Variants in DSCAM observed in about 807,000 individuals in gnomAD.
DSCAM encodes the protein cell adhesion molecule DSCAM.
Under a neutral mutation model 217.7 loss-of-function variants are expected in DSCAM, and 47 were observed. That is an observed-to-expected ratio of 0.22 (90% CI 0.17 to 0.28). DSCAM has a LOEUF of 0.28. DSCAM is among the 10% of genes least tolerant of loss of function. The pLI is 1.00. For missense variants in DSCAM, 2,080 were observed against 2,618.3 expected, an observed-to-expected ratio of 0.79 and a Z score of 4.49; for synonymous variants, 1,056 against 1,015.3, an observed-to-expected ratio of 1.04 and a Z score of -0.76.
intron 3 of DSCAM, among the ~76,000 whole-genome samples, chr21:40,650,272 C>T (rs2146358109): frequency 6.6e-6 from 1 of 152,316 alleles, no homozygotes; most frequent in South Asian, 2.1e-4. Flanking sequence ...GCAACATTTC[C>T]ACTTATCATT....
intron 11 of DSCAM, among the ~76,000 whole-genome samples, chr21:40,214,154 G>C (rs1409285014): frequency 6.6e-6 from 1 of 152,212 alleles, no homozygotes; most frequent in Admixed American, 6.5e-5. Flanking sequence ...CAGGTAGTTT[G>C]TTGCCCAGCC....
chr21:40,168,878 G>A (rs1357320069), intron 15 of DSCAM, among the ~76,000 whole-genome samples: 1 of 152,104 alleles, frequency 6.6e-6, no homozygotes, highest in African/African-American at 2.4e-5. Flanking sequence ...TTTTCTGCGG[G>A]TTACTTAGCT....
chr21:40,314,357 T>A (rs1660367988), intron 8 of DSCAM, among the ~76,000 whole-genome samples: 1 of 152,188 alleles, frequency 6.6e-6, no homozygotes, highest in South Asian at 2.1e-4. Flanking sequence ...GCATACTCAA[T>A]GTCAATCCTC....
At chr21:40,057,700 T>A (rs1328854120) in intron 28 of DSCAM, among the ~76,000 whole-genome samples, 1 of 152,058 alleles carries the variant, frequency 6.6e-6, no homozygotes, top group African/African-American at 2.4e-5. Flanking sequence ...AGAACTTGAT[T>A]CAACTCTGCG....
At chr21:40,028,377 C>T (rs2088433162) in intron 32 of DSCAM, among the ~76,000 whole-genome samples, 1 of 144,344 alleles carries the variant, frequency 6.9e-6, no homozygotes, top group African/African-American at 2.6e-5. Context: ...TGGGCTCCAC[C>T]CAGTTCGAGC....
chr21:40,679,586 G>A (rs1043730253), intron 3 of DSCAM, among the ~76,000 whole-genome samples: 2 of 152,192 alleles, frequency 1.3e-5, no homozygotes, highest in Admixed American at 6.5e-5. Flanking sequence ...TAACTGACAT[G>A]TGCTACAAGT....
intron 4 of DSCAM, among the ~76,000 whole-genome samples, chr21:40,366,278 T>A (rs750156640): frequency 3.3e-5 from 5 of 152,158 alleles, no homozygotes; most frequent in Non-Finnish European, 7.3e-5. Flanking sequence ...GAGAATTTAG[T>A]TATACATGTG....
At chr21:40,048,089 G>A (rs2088871203) in intron 30 of DSCAM, among the ~76,000 whole-genome samples, 1 of 152,072 alleles carries the variant, frequency 6.6e-6, no homozygotes, top group Non-Finnish European at 1.5e-5. Flanking sequence ...CTGTGTCGCT[G>A]GCCAAGTGAC....
At position 40,161,566 on chromosome 21, in the gene DSCAM, C is replaced by T. The variant is rs138260293; in HGVS notation, c.3018+5652G>A. On this transcript the variant is annotated intron_variant, in intron 16 of 32. Transcript: ENST00000400454. ...GACATGTCCTCAACCCTCACGGAAC[C>T]TAGAGTCTAGTCCACCTAAAAAAGT... 4.8e-3 allele frequency among the ~76,000 whole-genome samples: 737 copies of T among 152,274 alleles called. 8 individuals are homozygous for T. The highest frequency in any genetic ancestry group is 0.017 in the African/African-American group (713 of 41,558).
chr21:40,711,698 G>A (rs1027451141), intron 1 of DSCAM, among the ~76,000 whole-genome samples: 3 of 152,192 alleles, frequency 2.0e-5, no homozygotes, highest in African/African-American at 7.2e-5. Context: ...GAGGCCTGCA[G>A]GGAATGACTG....
At chr21:40,040,253 T>G (rs923524147) in intron 32 of DSCAM, among the ~76,000 whole-genome samples, 1 of 152,226 alleles carries the variant, frequency 6.6e-6, no homozygotes, top group African/African-American at 2.4e-5. Flanking sequence ...TTACTCTGAA[T>G]AGTCTATGAA....
At chr21:40,751,628 T>C (rs1046512472) in intron 1 of DSCAM, among the ~76,000 whole-genome samples, 46 of 152,072 alleles carry the variant, frequency 3.0e-4, no homozygotes, top group Non-Finnish European at 2.5e-4. Flanking sequence ...TACAAACATG[T>C]GGTACAACTA....
chr21:40,805,606 C>G (rs141691385), intron 1 of DSCAM, among the ~76,000 whole-genome samples: 1 of 152,324 alleles, frequency 6.6e-6, no homozygotes, highest in African/African-American at 2.4e-5. Flanking sequence ...AGGATGGTGG[C>G]AAGTCCATCA....
intron 27 of DSCAM, 127 bp from the exon 28 acceptor site, chr21:40,063,026 A>C: frequency 4.6e-6 from 3 of 645,502 alleles, no homozygotes; most frequent in Non-Finnish European, 7.1e-6. Flanking sequence ...TACCCAGCTC[A>C]CTACTAATGA....
intron 1 of DSCAM, among the ~76,000 whole-genome samples, chr21:40,742,323 T>C (rs2091132023): frequency 6.6e-6 from 1 of 152,158 alleles, no homozygotes; most frequent in Admixed American, 6.5e-5. Context: ...TGCAACTAAT[T>C]TTTGTATGTT....
intron 15 of DSCAM, among the ~76,000 whole-genome samples, chr21:40,176,377 A>C (rs997664573): frequency 6.6e-6 from 1 of 151,976 alleles, no homozygotes; most frequent in African/African-American, 2.4e-5. Flanking sequence ...AGTAAAAGTG[A>C]GTGGGCTGAC....
In DSCAM at chr21:40,388,120, A is replaced by C. The variant is rs555177807; in HGVS notation, c.509-18875T>G. On this transcript the variant is annotated intron_variant, in intron 3 of 32. Transcript: ENST00000400454. ...GCAATATTTGGGAAAACAATTTGGA[A>C]ATTTCCCAGTATTGATAAGAACCGA... is the stretch of plus-strand genomic sequence containing the variant. 4.3e-5 allele frequency among the ~76,000 whole-genome samples: 6 copies of C among 138,332 alleles called. No homozygotes were observed. The South Asian group carries it at 1.3e-3, about 29-fold the overall frequency. The allele number at this position is 138,332 out of a possible 152,430, so 90.8% of individuals were successfully genotyped here. A position where few individuals can be genotyped will look rare whatever the true frequency, so the allele number is the denominator to read the frequency against.
intron 8 of DSCAM, among the ~76,000 whole-genome samples, chr21:40,327,582 T>C (rs1035139134): frequency 4.6e-5 from 7 of 152,198 alleles, no homozygotes; most frequent in East Asian, 3.9e-4. Context: ...TCCAGTGACA[T>C]GTTGAATGGA....
intron 1 of DSCAM, among the ~76,000 whole-genome samples, chr21:40,830,089 G>A (rs562736935): frequency 3.3e-5 from 5 of 152,328 alleles, no homozygotes; most frequent in Admixed American, 2.6e-4. Flanking sequence ...AGAAATACCA[G>A]AGACTGGGTA....
Sources: allele counts gnomAD v4.1 joint callset (sites outside exome capture counted in the v4.1 genomes callset), GRCh38; gene constraint gnomAD v4.1.1; transcripts MANE v1.5; gene names NCBI Gene and HGNC (gene_info 2026-07-23, HGNC 2026-07-21).